ULK4: variants seen among roughly 807,000 people sequenced by gnomAD.
ULK4 encodes the protein unc-51 like kinase 4.
A neutral mutation model predicts 160.6 loss-of-function variants in ULK4; 133 were observed. That is an observed-to-expected ratio of 0.83 (90% CI 0.72 to 0.96). ULK4 has a LOEUF of 0.96. ULK4 is among the 40% of genes least tolerant of loss of function. The pLI is 0.00. For synonymous variants in ULK4, 534 were observed against 539.8 expected (o/e 0.99, Z 0.15); for missense variants, 1,580 against 1,499.5 (o/e 1.05, Z -0.89).
rs944294747 is a variant in ULK4, at chr3:41,819,498, T to C, written c.1773A>G (p.Lys591=). Reference sequence around the variant, plus strand: ...CCCAGCACTCTCTAGGGTTCTTTTTTTTTTCTTCCTAAAATGAAGTGGGAA... The same window carrying C: ...CCCAGCACTCTCTAGGGTTCTTTTTCTTTTCTTCCTAAAATGAAGTGGGAA... ...LIYLVATQEE[K]KKNPRECWAV... is the part of the protein sequence containing the mutation. Residue 591 remains lysine, a synonymous_variant, in exon 19 of 37, where the codon AAA becomes AAG. Transcript: ENST00000301831. 4 of 1,600,766 alleles carry C rather than the reference T, an allele frequency of 2.5e-6. No individual in the cohort carries two copies. The highest frequency in any genetic ancestry group is 3.4e-6 in the Non-Finnish European group (4 of 1,178,240).
intron 30 of ULK4, among the ~76,000 whole-genome samples, chr3:41,647,716 C>G (rs542858754): frequency 6.6e-6 from 1 of 152,338 alleles, no homozygotes; most frequent in East Asian, 1.9e-4. Flanking sequence ...AACCACTGCT[C>G]TCTTCAAAGC....
intron 18 of ULK4, among the ~76,000 whole-genome samples, chr3:41,824,394 G>A (rs1045930922): frequency 1.8e-4 from 27 of 152,064 alleles, no homozygotes; most frequent in Admixed American, 1.7e-3. Context: ...AGCGCAAGGG[G>A]TCAGTGAATT....
intron 12 of ULK4, 82 bp downstream of exon 12, chr3:41,907,763 A>T: frequency 1.1e-6 from 1 of 875,090 alleles, no homozygotes; most frequent in Non-Finnish European, 1.7e-6. Flanking sequence ...GTAATTATTA[A>T]CATAATTCAT....
chr3:41,875,691 A>G (rs1032137385), intron 17 of ULK4, among the ~76,000 whole-genome samples: 1 of 150,492 alleles, frequency 6.6e-6, no homozygotes, highest in Non-Finnish European at 1.5e-5. Context: ...CAATTAATAC[A>G]ATGATTAACA....
chr3:41,515,020 TG>T (rs1461918761), intron 32 of ULK4, among the ~76,000 whole-genome samples: 2 of 152,068 alleles, frequency 1.3e-5, no homozygotes, highest in African/African-American at 4.8e-5. Context: ...GTTGGGAGGC[TG>T]GGGCGGGTAG....
chr3:41,712,302 T>G (rs755189314), intron 25 of ULK4, among the ~76,000 whole-genome samples: 1 of 152,134 alleles, frequency 6.6e-6, no homozygotes, highest in African/African-American at 2.4e-5. Flanking sequence ...AGTCTGCTCC[T>G]TAAGAACCCT....
intron 32 of ULK4, among the ~76,000 whole-genome samples, chr3:41,505,306 C>T (rs181975313): frequency 2.6e-5 from 4 of 152,230 alleles, no homozygotes; most frequent in Admixed American, 2.6e-4. Flanking sequence ...AAAATCATTA[C>T]TGCCCTAACT....
At chr3:41,753,944 T>C (rs2038710027) in intron 22 of ULK4, among the ~76,000 whole-genome samples, 1 of 151,766 alleles carries the variant, frequency 6.6e-6, no homozygotes, top group African/African-American at 2.4e-5. Flanking sequence ...GAGGATGGAG[T>C]GAGTGCCAGC....
intron 31 of ULK4, among the ~76,000 whole-genome samples, chr3:41,610,237 G>C (rs891345014): frequency 2.0e-5 from 3 of 151,790 alleles, no homozygotes; most frequent in Non-Finnish European, 4.4e-5. Context: ...GACTGGTCTT[G>C]AACTCTTGAC....
intron 35 of ULK4, among the ~76,000 whole-genome samples, chr3:41,265,085 A>G (rs991619097): frequency 6.6e-6 from 1 of 152,212 alleles, no homozygotes; most frequent in Non-Finnish European, 1.5e-5. Context: ...ACTTTGGGAC[A>G]CGAGGTGGCC....
At chr3:41,690,311 G>A (rs2036252360) in intron 27 of ULK4, among the ~76,000 whole-genome samples, 1 of 151,408 alleles carries the variant, frequency 6.6e-6, no homozygotes, top group Admixed American at 6.6e-5. Flanking sequence ...GGAGTGGGGA[G>A]GGATAGCTTT....
chr3:41,953,285 C>CACATATATATATATATATATAT (rs374288098), intron 2 of ULK4, among the ~76,000 whole-genome samples: 10 of 85,916 alleles, frequency 1.2e-4, no homozygotes, highest in Non-Finnish European at 1.7e-4. Context: ...CATATATACA[C>CACATATATATATATATATATAT]ATATATATAT....
rs538144061 is a variant in ULK4, at chr3:41,933,458, C to A, written c.379-1452G>T. Among the ~76,000 whole-genome samples, 3 of 152,262 alleles carry A rather than the reference C, an allele frequency of 2.0e-5. No individual in the cohort carries two copies. In the South Asian group the frequency reaches 6.2e-4, roughly 32 times the overall value. The stretch of plus-strand genomic sequence containing the variant: ...ATGGTAGCCACTGACATTACATAAA[C>A]CAAAGGTTGTGGCTGTGTTCCAGTG... On this transcript the variant is annotated intron_variant, in intron 4 of 36. Coordinates refer to ENST00000301831, the MANE Select transcript of ULK4 (RefSeq NM_017886.4).
At chr3:41,327,643 A>G (rs2080362944) in intron 35 of ULK4, among the ~76,000 whole-genome samples, 1 of 152,234 alleles carries the variant, frequency 6.6e-6, no homozygotes, top group Non-Finnish European at 1.5e-5. Flanking sequence ...ATTTCATAAT[A>G]ACTATACACC....
chr3:41,454,344 G>A (rs575950215), intron 34 of ULK4, among the ~76,000 whole-genome samples: 14 of 150,498 alleles, frequency 9.3e-5, no homozygotes, highest in South Asian at 2.1e-4. Context: ...ATTTGAGACC[G>A]GCCTGGACAA....
Position 41,831,012 on chromosome 3 carries a change from T to TTTTATTTA in ULK4, c.1764+4844_1764+4851dup, listed in dbSNP as rs1043705438. Among the ~76,000 whole-genome samples, 7 of 96,994 alleles carry TTTTATTTA rather than the reference T, an allele frequency of 7.2e-5. No individual in the cohort carries two copies. In the South Asian group the frequency reaches 2.2e-3, roughly 30 times the overall value. 63.6% of individuals were successfully genotyped at this position (96,994 alleles called of 152,430 possible). On this transcript the variant is annotated intron_variant, in intron 18 of 36. Coordinates refer to ENST00000301831, the MANE Select transcript of ULK4 (RefSeq NM_017886.4). Reference sequence around the variant, plus strand: ...GCACAGGGAATGTTTTTATTATTTTTTTTATTTATTTATTTATTTATTGAT... The same window carrying TTTTATTTA: ...GCACAGGGAATGTTTTTATTATTTTTTTTATTTATTTATTTATTTATTTATTTATTGAT...
intron 31 of ULK4, among the ~76,000 whole-genome samples, chr3:41,581,173 T>G (rs2030298895): frequency 6.6e-6 from 1 of 152,010 alleles, no homozygotes; most frequent in Non-Finnish European, 1.5e-5. Context: ...CTTTCTTCAC[T>G]CCCCCAAGGA....
chr3:41,574,075 G>A (rs1400889508), intron 31 of ULK4, among the ~76,000 whole-genome samples: 1 of 30,318 alleles, frequency 3.3e-5, no homozygotes. Flanking sequence ...CCAGCTACTT[G>A]GGAGGCTGAG....
chr3:41,286,915 C>T (rs1341840951), intron 35 of ULK4, among the ~76,000 whole-genome samples: 2 of 152,194 alleles, frequency 1.3e-5, no homozygotes, highest in Non-Finnish European at 2.9e-5. Flanking sequence ...CTTAACTCAA[C>T]TGCACTTATA....
Sources: allele counts gnomAD v4.1 joint callset (sites outside exome capture counted in the v4.1 genomes callset), GRCh38; gene constraint gnomAD v4.1.1; transcripts MANE v1.5; gene names NCBI Gene and HGNC (gene_info 2026-07-23, HGNC 2026-07-21).